Variants in MACROD2 observed in about 807,000 individuals in gnomAD.
MACROD2 encodes mono-ADP ribosylhydrolase 2.
A neutral mutation model predicts 70.4 loss-of-function variants in MACROD2; 36 were observed. The observed-to-expected ratio is 0.51, with a 90% confidence interval of 0.39 to 0.68. The LOEUF (loss-of-function observed/expected upper bound fraction) is 0.68, where lower values mean the gene tolerates loss of function less well. Ranked by LOEUF, MACROD2 falls within the 30% of genes least tolerant of loss-of-function variation. The pLI is 0.00. For missense variants in MACROD2, 496 were observed against 538.4 expected (o/e 0.92, Z 0.78); for synonymous variants, 172 against 178.8 (o/e 0.96, Z 0.30).
chr20:14,455,748 A>AT (rs544609007), intron 3 of MACROD2, among the ~76,000 whole-genome samples: 1,854 of 151,838 alleles, frequency 0.012, 91 homozygotes, highest in African/African-American at 0.043. Flanking sequence ...ATATTAATAT[A>AT]TTTTTTCTTT....
intron 3 of MACROD2, among the ~76,000 whole-genome samples, chr20:14,089,824 A>G (rs1569154294): frequency 6.6e-6 from 1 of 152,198 alleles, no homozygotes; most frequent in South Asian, 2.1e-4. Flanking sequence ...AACCCTGTGT[A>G]AACTTCTCCC....
At chr20:14,011,867 T>C (rs1460680665) in intron 2 of MACROD2, among the ~76,000 whole-genome samples, 2 of 152,022 alleles carry the variant, frequency 1.3e-5, no homozygotes, top group East Asian at 1.9e-4. Flanking sequence ...GGAATTTGCC[T>C]TCTGCCTCTT....
chr20:15,058,508 T>C (rs1015524674), intron 5 of MACROD2, among the ~76,000 whole-genome samples: 1 of 152,222 alleles, frequency 6.6e-6, no homozygotes, highest in Non-Finnish European at 1.5e-5. Context: ...TAAAAAATTA[T>C]TTGTTGTTTA....
intron 2 of MACROD2, among the ~76,000 whole-genome samples, chr20:14,036,820 C>A (rs1299195186): frequency 6.6e-6 from 1 of 152,178 alleles, no homozygotes; most frequent in Non-Finnish European, 1.5e-5. Flanking sequence ...TGCACCACCA[C>A]GCCTAGCCAC....
At chr20:15,756,723 C>G (rs955044467) in intron 8 of MACROD2, among the ~76,000 whole-genome samples, 7 of 152,172 alleles carry the variant, frequency 4.6e-5, no homozygotes, top group African/African-American at 7.2e-5. Flanking sequence ...AAACCTGCAA[C>G]CATTCCAGAT....
chr20:14,621,276 C>G (rs1395910200), intron 4 of MACROD2, among the ~76,000 whole-genome samples: 1 of 152,054 alleles, frequency 6.6e-6, no homozygotes, highest in East Asian at 1.9e-4. Flanking sequence ...ATTAGGGCTT[C>G]TCTTTGCTTT....
intron 8 of MACROD2, among the ~76,000 whole-genome samples, chr20:15,792,620 T>C (rs1367838583): frequency 6.6e-6 from 1 of 152,184 alleles, no homozygotes; most frequent in East Asian, 1.9e-4. Context: ...TGTCATGTTT[T>C]AATCAATCAG....
At position 15,919,794 on chromosome 20, in the gene MACROD2, C is replaced by T. The variant is rs114846719; in HGVS notation, c.776-13482C>T. On this transcript the variant is annotated intron_variant, in intron 10 of 17. Coordinates refer to ENST00000684519, the MANE Select transcript of MACROD2 (RefSeq NM_001351661.2). ...TCATCTCAAGACGATCCACTGTCAGCGGGTATTGCCCTGTTACAGGGAAAA... is the reference window on the plus strand; with the variant it reads ...TCATCTCAAGACGATCCACTGTCAGTGGGTATTGCCCTGTTACAGGGAAAA... Among the ~76,000 whole-genome samples, 651 of 151,962 alleles carry T rather than the reference C, an allele frequency of 4.3e-3. 4 individuals are homozygous for T. Among genetic ancestry groups the T allele is most frequent in the African/African-American group, 0.015 (604 of 41,404 alleles).
At chr20:15,934,527 A>T (rs1723357599) in intron 11 of MACROD2, among the ~76,000 whole-genome samples, 1 of 152,092 alleles carries the variant, frequency 6.6e-6, no homozygotes, top group African/African-American at 2.4e-5. Flanking sequence ...TCTGCTCCAT[A>T]GCAGATGAGT....
At chr20:14,666,021 T>A (rs2070733187) in intron 4 of MACROD2, among the ~76,000 whole-genome samples, 2 of 152,096 alleles carry the variant, frequency 1.3e-5, no homozygotes, top group East Asian at 1.9e-4. Context: ...ATATGCTTTT[T>A]AAAAAAACCC....
intron 6 of MACROD2, among the ~76,000 whole-genome samples, chr20:15,426,945 A>G (rs562206093): frequency 1.3e-5 from 2 of 152,176 alleles, no homozygotes; most frequent in South Asian, 2.1e-4. Context: ...AACACAAACT[A>G]TGTGCTGCAA....
intron 5 of MACROD2, among the ~76,000 whole-genome samples, chr20:14,780,948 G>T (rs919647066): frequency 1.3e-5 from 2 of 151,508 alleles, no homozygotes; most frequent in South Asian, 4.2e-4. Context: ...TTTATTTAAG[G>T]GGCATACAGT....
At chr20:14,457,612 A>G (rs2084318605) in intron 3 of MACROD2, among the ~76,000 whole-genome samples, 1 of 152,122 alleles carries the variant, frequency 6.6e-6, no homozygotes, top group South Asian at 2.1e-4. Flanking sequence ...TTATTATTTC[A>G]TTCATTCCCT....
intron 7 of MACROD2, among the ~76,000 whole-genome samples, chr20:15,450,001 T>A (rs939001863): frequency 7.9e-5 from 12 of 151,974 alleles, no homozygotes; most frequent in Admixed American, 2.6e-4. Context: ...TCTCAAAAAA[T>A]AAATAAACAT....
intron 5 of MACROD2, among the ~76,000 whole-genome samples, chr20:14,856,976 CAATT>C (rs149284573): frequency 0.028 from 4,292 of 152,096 alleles, 201 homozygotes; most frequent in African/African-American, 0.098. Context: ...CTTGTAAAGC[CAATT>C]AATTACATAA....
intron 5 of MACROD2, among the ~76,000 whole-genome samples, chr20:15,150,728 G>T (rs911472353): frequency 6.6e-6 from 1 of 151,926 alleles, no homozygotes; most frequent in Non-Finnish European, 1.5e-5. Context: ...TGGGAAGAAG[G>T]GCGGCAATGA....
chr20:15,775,933 G>T (rs935204630), intron 8 of MACROD2, among the ~76,000 whole-genome samples: 1 of 152,104 alleles, frequency 6.6e-6, no homozygotes, highest in African/African-American at 2.4e-5. Context: ...AAGTACCCAT[G>T]AATCAGGGCC....
rs182837279 is a variant in MACROD2 at position 14,741,095 on chromosome 20, C to T, written c.418+56136C>T. ...AACACAAAATGGACAGTGTTCATTT[C>T]GGTCATTTATATATTGTCATCATTA... On this transcript the variant is annotated intron_variant, in intron 5 of 17. Transcript: ENST00000684519. Among the ~76,000 whole-genome samples the T allele has an allele frequency of 2.9e-3, 437 of 152,186 alleles. 2 individuals are homozygous for T. Among genetic ancestry groups the T allele is most frequent in the Non-Finnish European group, 5.1e-3 (349 of 67,988 alleles).
intron 6 of MACROD2, among the ~76,000 whole-genome samples, chr20:15,320,904 A>T (rs903576620): frequency 6.6e-6 from 1 of 152,228 alleles, no homozygotes; most frequent in African/African-American, 2.4e-5. Flanking sequence ...TAGCCACAGC[A>T]GAGGCTGAGA....
Sources: allele counts gnomAD v4.1 joint callset (sites outside exome capture counted in the v4.1 genomes callset), GRCh38; gene constraint gnomAD v4.1.1; transcripts MANE v1.5; gene names NCBI Gene and HGNC (gene_info 2026-07-23, HGNC 2026-07-21).